ENTHD1: variants seen among roughly 807,000 people sequenced by gnomAD.
The protein encoded by ENTHD1 is ENTH domain-containing protein 1.
ENTHD1 carries 23 observed loss-of-function variants against 39.1 expected under a neutral mutation model. That is an observed-to-expected ratio of 0.59 (90% CI 0.42 to 0.83). ENTHD1 has a LOEUF of 0.83. ENTHD1 is among the 40% of genes least tolerant of loss of function. ENTHD1 has a pLI of 0.00. For synonymous variants in ENTHD1, 230 were observed against 258.2 expected (o/e 0.89, Z 1.05); for missense variants, 624 against 705.4 (o/e 0.88, Z 1.31).
chr22:39,804,620 A>G (rs2065626512), intron 5 of ENTHD1, among the ~76,000 whole-genome samples: 1 of 152,160 alleles, frequency 6.6e-6, no homozygotes, highest in Non-Finnish European at 1.5e-5. Flanking sequence ...AAAGTCTACT[A>G]TGTGCTGGGT....
At chr22:39,848,263 T>G (rs1012804916) in intron 3 of ENTHD1, among the ~76,000 whole-genome samples, 3 of 151,824 alleles carry the variant, frequency 2.0e-5, no homozygotes, top group African/African-American at 7.2e-5. Flanking sequence ...AATTAATTTT[T>G]TTTTTTTTTG....
In ENTHD1 at chr22:39,835,862, A is replaced by C; in HGVS notation, c.689T>G (p.Ile230Ser). 8.7e-6 allele frequency: 14 copies of C among 1,608,520 alleles called. No homozygotes were observed. The highest frequency in any genetic ancestry group is 1.0e-5 in the Non-Finnish European group (12 of 1,176,906). Residue 230 changes from isoleucine to serine, a missense_variant, in exon 4 of 7, where the codon ATT (isoleucine) becomes AGT (serine). Coordinates refer to ENST00000325157, the MANE Select transcript of ENTHD1 (RefSeq NM_152512.4). ...MLSQETLPLK[I>S]HGWKSTEDLM... The stretch of plus-strand genomic sequence containing the variant: ...TACCTCTGTTGATTTCCAACCATGA[A>C]TCTTGAGTGGAAGTGTTTCCTGGGA...
At chr22:39,771,928 T>C (rs1370334436) in intron 5 of ENTHD1, among the ~76,000 whole-genome samples, 5 of 152,130 alleles carry the variant, frequency 3.3e-5, no homozygotes, top group African/African-American at 7.2e-5. Context: ...ATGGAAAATA[T>C]ATAGGAGAAT....
chr22:39,781,882 C>T (rs2065413008), intron 5 of ENTHD1, among the ~76,000 whole-genome samples: 1 of 152,130 alleles, frequency 6.6e-6, no homozygotes, highest in African/African-American at 2.4e-5. Context: ...TTATGAACAA[C>T]AATATGCCAA....
intron 6 of ENTHD1, among the ~76,000 whole-genome samples, chr22:39,747,178 G>T (rs1206700379): frequency 6.6e-6 from 1 of 152,028 alleles, no homozygotes; most frequent in African/African-American, 2.4e-5. Flanking sequence ...TTGTAGAGAA[G>T]GGCTCTTGCT....
intron 2 of ENTHD1, among the ~76,000 whole-genome samples, chr22:39,885,916 G>A (rs767958797): frequency 7.9e-5 from 12 of 152,128 alleles, no homozygotes; most frequent in Non-Finnish European, 5.9e-5. Flanking sequence ...TGTAATTAAT[G>A]CAACTGAATT....
At chr22:39,798,939 G>A (rs1006788629) in intron 5 of ENTHD1, among the ~76,000 whole-genome samples, 2 of 152,200 alleles carry the variant, frequency 1.3e-5, no homozygotes, top group Non-Finnish European at 2.9e-5. Context: ...ATAGTGGCAG[G>A]CTGGGTGGGC....
chr22:39,766,019 C>CAACAAAAAAAAAAAAAAAAAAAAAA (rs2065273932), intron 5 of ENTHD1, among the ~76,000 whole-genome samples: 1 of 48,340 alleles, frequency 2.1e-5, no homozygotes, highest in Non-Finnish European at 3.7e-5. Flanking sequence ...CCCTCAGCTA[C>CAACAAAAAAAAAAAAAAAAAAAAAA]AAAAAAAAAA....
intron 4 of ENTHD1, among the ~76,000 whole-genome samples, chr22:39,831,071 G>A (rs1466715241): frequency 6.6e-6 from 1 of 152,202 alleles, no homozygotes; most frequent in African/African-American, 2.4e-5. Flanking sequence ...GAAGGCTACA[G>A]TGTCAATTCA....
intron 2 of ENTHD1, among the ~76,000 whole-genome samples, chr22:39,877,761 A>G (rs893073835): frequency 6.6e-6 from 1 of 152,214 alleles, no homozygotes; most frequent in Non-Finnish European, 1.5e-5. Flanking sequence ...CCTTAGGAGA[A>G]GCTAGTTAAC....
intron 5 of ENTHD1, among the ~76,000 whole-genome samples, chr22:39,796,359 A>G (rs1038918848): frequency 6.6e-6 from 1 of 151,784 alleles, no homozygotes; most frequent in Admixed American, 6.6e-5. Context: ...TGCAGCCTCA[A>G]CCTCCTGGGC....
chr22:39,788,191 T>C (rs1220002560), intron 5 of ENTHD1, among the ~76,000 whole-genome samples: 4 of 152,236 alleles, frequency 2.6e-5, no homozygotes, highest in African/African-American at 4.8e-5. Flanking sequence ...GTGATTCCTC[T>C]TATGGATCTG....
chr22:39,800,984 G>A (rs1185273525), intron 5 of ENTHD1, among the ~76,000 whole-genome samples: 1 of 152,228 alleles, frequency 6.6e-6, no homozygotes, highest in Non-Finnish European at 1.5e-5. Flanking sequence ...GTGAGGCTCA[G>A]ATGAGGAGGT....
At position 39,764,176 on chromosome 22, in the gene ENTHD1, C is replaced by T. The variant is rs564540391; in HGVS notation, c.1219+1047G>A. Among the ~76,000 whole-genome samples, 156 of 152,092 alleles carry T rather than the reference C, an allele frequency of 1.0e-3. 2 individuals carry two copies. Among genetic ancestry groups the T allele is most frequent in the South Asian group, 0.01 (49 of 4,810 alleles). The stretch of plus-strand genomic sequence containing the variant: ...GGTTTGAGTCTGTTTAAAAGATTCA[C>T]GTTAAAATCTTTATTGGCCAGACAC... On this transcript the variant is annotated intron_variant, in intron 6 of 6. Transcript: ENST00000325157.
intron 5 of ENTHD1, 31 bp downstream of exon 5, chr22:39,820,962 A>G (rs1410237666): frequency 1.2e-6 from 2 of 1,611,566 alleles, no homozygotes; most frequent in Non-Finnish European, 1.7e-6. Flanking sequence ...AAAATCTGAT[A>G]AGTAAACTTC....
At chr22:39,808,947 TA>T (rs2065664881) in intron 5 of ENTHD1, among the ~76,000 whole-genome samples, 1 of 152,208 alleles carries the variant, frequency 6.6e-6, no homozygotes, top group Non-Finnish European at 1.5e-5. Context: ...GAATTAAGTT[TA>T]AAAAGGTTTT....
rs562552838 is a variant in ENTHD1, at chr22:39,875,983, T to C, written c.349+11417A>G. The C allele has an allele frequency of 9.3e-6, 15 of 1,613,926 alleles. No individual in the cohort carries two copies. The African/African-American group carries it at 1.3e-4, about 14-fold the overall frequency. On this transcript the variant is annotated intron_variant, in intron 2 of 6. Coordinates refer to ENST00000325157, the MANE Select transcript of ENTHD1 (RefSeq NM_152512.4). ...TACCCATTGCAAATGCAGGAGATTT[T>C]GGTGGTTATTACTGCCCTTGCCATG... is the stretch of plus-strand genomic sequence containing the variant.
At chr22:39,812,972 G>A (rs2065704217) in intron 5 of ENTHD1, among the ~76,000 whole-genome samples, 1 of 152,052 alleles carries the variant, frequency 6.6e-6, no homozygotes, top group African/African-American at 2.4e-5. Flanking sequence ...TAGTAAAGGT[G>A]GGGTTTCACC....
chr22:39,773,434 G>T (rs1183149410), intron 5 of ENTHD1, among the ~76,000 whole-genome samples: 1 of 152,140 alleles, frequency 6.6e-6, no homozygotes, highest in African/African-American at 2.4e-5. Flanking sequence ...CTTCTATTAG[G>T]TTCTCTGGAC....
Sources: allele counts gnomAD v4.1 joint callset (sites outside exome capture counted in the v4.1 genomes callset), GRCh38; gene constraint gnomAD v4.1.1; transcripts MANE v1.5; gene names NCBI Gene and HGNC (gene_info 2026-07-23, HGNC 2026-07-21).